KRI1: variants seen among roughly 807,000 people sequenced by gnomAD.
KRI1 encodes the protein protein KRI1 homolog.
Under a neutral mutation model 97.0 loss-of-function variants are expected in KRI1, and 83 were observed. That is an observed-to-expected ratio of 0.86 (90% CI 0.72 to 1.03). KRI1 has a LOEUF of 1.03. Among genes scored for constraint, KRI1 ranks in the 50% least tolerant of loss-of-function variants. The pLI is 0.00. For missense variants in KRI1, 916 were observed against 928.4 expected (o/e 0.99, Z 0.17); for synonymous variants, 371 against 363.5 (o/e 1.02, Z -0.23).
Position 10,566,005 on chromosome 19 carries a change from T to A in KRI1, c.-6A>T, listed in dbSNP as rs3218222. The A allele has an allele frequency of 2.6e-6, 4 of 1,512,360 alleles. No homozygotes were observed. Among genetic ancestry groups the A allele is most frequent in the Non-Finnish European group, 1.8e-6 (2 of 1,136,438 alleles). 93.7% of individuals were successfully genotyped at this position (1,512,360 alleles called of 1,614,324 possible). On this transcript the variant is annotated 5_prime_UTR_variant, in exon 1 of 19. Transcript: ENST00000312962. ...GACCCGCGCGGTTCCGGCATGGCGGTTCTGTGGCCCATTGCGCACGCGCAT... is the reference window on the plus strand; with the variant it reads ...GACCCGCGCGGTTCCGGCATGGCGGATCTGTGGCCCATTGCGCACGCGCAT...
rs570035535 is a variant in KRI1 at position 10,556,222 on chromosome 19, A to G, written c.1618-873T>C. ...CAAGTAGCTAGGACTAGATCTCCCT[A>G]TGTTGCTCAGGTTAGTCTCAGAACT... On this transcript the variant is annotated intron_variant, in intron 16 of 18. Coordinates refer to ENST00000312962, the MANE Select transcript of KRI1 (RefSeq NM_023008.5). Among the ~76,000 whole-genome samples the G allele has an allele frequency of 2.0e-5, 3 of 152,170 alleles. No homozygotes were observed. In the South Asian group the frequency reaches 6.2e-4, roughly 32 times the overall value.
chr19:10,555,236 C>CCCGCCCTGCCCGCAGCAAACCTGGCT (rs6146467), intron 17 of KRI1, 49 bp downstream of exon 17: 1 of 1,604,928 alleles, frequency 6.2e-7, no homozygotes, highest in Non-Finnish European at 8.5e-7. Context: ...CCCGAGGCTG[C>CCCGCCCTGCCCGCAGCAAACCTGGCT]CCGCCCTGCC....
In KRI1 at chr19:10,565,736, T is replaced by A. The variant is rs755712390; in HGVS notation, c.149A>T (p.Asp50Val). Residue 50 changes from aspartate (D) to valine (V), a missense_variant, in exon 2 of 19, where the codon GAC becomes GTC. Asp to Val is a radical substitution (Grantham distance 152). Transcript: ENST00000312962. The part of the protein sequence containing the change: ...DSSSDSSSES[D>V]SSDERVEFDP... ...GCGCACCACGCGCTCGTCGCTTGAG[T>A]CCGACTCGGAGCTGGAGTCGCTGCT... The A allele has an allele frequency of 5.4e-5, 85 of 1,576,964 alleles. No homozygotes were observed. Among genetic ancestry groups the A allele is most frequent in the Non-Finnish European group, 7.2e-5 (84 of 1,162,680 alleles).
In KRI1 at chr19:10,565,813, C is replaced by CCCA. The variant is rs1916853047; in HGVS notation, c.95-24_95-23insTGG. 1.9e-6 allele frequency: 3 copies of CCCA among 1,539,586 alleles called. No individual in the cohort carries two copies. The South Asian group carries it at 3.5e-5, about 18-fold the overall frequency. ...TCACTGCGGGACACAGACGGGATGC[C>CCCA]CCCCCCCAGGTCAGCCGGCGGGGCC... On this transcript the variant is annotated intron_variant, in intron 1 of 18. Transcript: ENST00000312962.
Position 10,565,079 on chromosome 19 carries a change from A to G in KRI1, c.169-45T>C, listed in dbSNP as rs199861506. 9.2e-5 allele frequency: 119 copies of G among 1,290,312 alleles called. No homozygotes were observed. In the African/African-American group the frequency reaches 1.4e-3, roughly 15 times the overall value. The allele number at this position is 1,290,312 out of a possible 1,614,324, so 79.9% of individuals were successfully genotyped here. A position where few individuals can be genotyped will look rare whatever the true frequency, so the allele number is the denominator to read the frequency against. Reference sequence around the variant, plus strand: ...GGGGATAGATTTCAGAAGGGAGATAATAAGAGCCCTGGCGCCAGCAGGTGA... The same window carrying G: ...GGGGATAGATTTCAGAAGGGAGATAGTAAGAGCCCTGGCGCCAGCAGGTGA... On this transcript the variant is annotated intron_variant, in intron 2 of 18. Transcript: ENST00000312962.
chr19:10,561,106 C>A (rs773348014), intron 7 of KRI1, 26 bp from the exon 8 acceptor site: 1 of 1,613,354 alleles, frequency 6.2e-7, no homozygotes, highest in East Asian at 2.2e-5. Context: ...CACTGAGCAT[C>A]CGCAGATGCC....
chr19:10,560,540 G>C, intron 8 of KRI1, 92 bp from the exon 9 acceptor site: 2 of 923,622 alleles, frequency 2.2e-6, no homozygotes, highest in Non-Finnish European at 3.3e-6. Flanking sequence ...CCAGCCTCTG[G>C]AGTAGGTGAC....
In KRI1 at chr19:10,553,819, A is replaced by C; in HGVS notation, c.*132T>G. ...TGATCCTTTCACCTCGGCCTCCCAA[A>C]GTGCTGGGATTACAGGCGTGCCTGG... On this transcript the variant is annotated 3_prime_UTR_variant, in exon 19 of 19. Coordinates refer to ENST00000312962, the MANE Select transcript of KRI1 (RefSeq NM_023008.5). The C allele has an allele frequency of 1.2e-6, 1 of 806,574 alleles. No individual in the cohort carries two copies. The highest frequency in any genetic ancestry group is 2.1e-5 in the South Asian group (1 of 46,818). The allele number at this position is 806,574 out of a possible 1,614,324, so 50.0% of individuals were successfully genotyped here.
rs1397171399 is a variant in KRI1, at chr19:10,562,710, A to G, written c.383+19T>C. 3 of 1,366,684 alleles carry G rather than the reference A, an allele frequency of 2.2e-6. No homozygotes were observed. The South Asian group carries it at 3.5e-5, about 16-fold the overall frequency. The allele number at this position is 1,366,684 out of a possible 1,614,324, so 84.7% of individuals were successfully genotyped here. A position where few individuals can be genotyped will look rare whatever the true frequency, so the allele number is the denominator to read the frequency against. On this transcript the variant is annotated intron_variant, in intron 4 of 18. Coordinates refer to ENST00000312962, the MANE Select transcript of KRI1 (RefSeq NM_023008.5). ...CAGGGCTGGGAACCAGGGGGTGGGG[A>G]TGTAGGCCTTCTCCATACCCTGCCT...
At position 10,561,652 on chromosome 19, in the gene KRI1, C is replaced by T; in HGVS notation, c.488+15G>A. The stretch of plus-strand genomic sequence containing the variant: ...ACTTTCCTCCATTGGGCCATTCCCG[C>T]CCACCCAGCCTCACCTTTCCTTGAG... On this transcript the variant is annotated intron_variant, in intron 6 of 18. Transcript: ENST00000312962. The T allele has an allele frequency of 1.2e-6, 2 of 1,613,786 alleles. No individual in the cohort carries two copies. The highest frequency in any genetic ancestry group is 2.2e-5 in the South Asian group (2 of 91,070).
chr19:10,560,060 CGCT>C, intron 9 of KRI1, 124 bp from the exon 10 acceptor site: 1 of 1,287,822 alleles, frequency 7.8e-7, no homozygotes, highest in South Asian at 1.4e-5. Context: ...ACAAGGTGCA[CGCT>C]GCTATTGTCC....
chr19:10,565,125 T>G, intron 2 of KRI1, 91 bp from the exon 3 acceptor site: 2 of 802,610 alleles, frequency 2.5e-6, no homozygotes, highest in African/African-American at 1.7e-5. Context: ...GGGATTAGGA[T>G]GGAGGGGGGT....
In KRI1 at chr19:10,565,976, C is replaced by T. The variant is rs1280912589; in HGVS notation, c.24G>A (p.Ser8=). ...CAAACGCCGCGTTCACCCGCAGCTG[C>T]GACGACCCGCGCGGTTCCGGCATGG... MPEPRGS[S]QLRVNAAFAA... Residue 8 remains serine (S), a synonymous_variant, in exon 1 of 19, where the codon TCG becomes TCA. Coordinates refer to ENST00000312962, the MANE Select transcript of KRI1 (RefSeq NM_023008.5). 6.6e-7 allele frequency: 1 copy of T among 1,524,436 alleles called. No individual in the cohort carries two copies. Among genetic ancestry groups the T allele is most frequent in the Non-Finnish European group, 8.8e-7 (1 of 1,140,296 alleles). 94.4% of individuals were successfully genotyped at this position (1,524,436 alleles called of 1,614,324 possible). A position where few individuals can be genotyped will look rare whatever the true frequency, so the allele number is the denominator to read the frequency against.
At chr19:10,554,384 A>G in intron 18 of KRI1, 103 bp from the exon 19 acceptor site, 1 of 1,030,014 alleles carries the variant, frequency 9.7e-7, no homozygotes, top group East Asian at 2.5e-5. Context: ...GGGCATAGTG[A>G]AGCAGCCGCA....
intron 2 of KRI1, 50 bp downstream of exon 2, chr19:10,565,667 A>G (rs3745246): frequency 1.1e-5 from 17 of 1,521,420 alleles, no homozygotes; most frequent in African/African-American, 7.2e-5. Flanking sequence ...CGGGGTGCAG[A>G]GGGGGGCTTG....
Position 10,553,303 on chromosome 19 carries a change from C to T in KRI1, c.*648G>A. ...TAGGGAAGGAGGACCCCGGGCACCC[C>T]CCTCAGGGCCTGACTCACGTACTGT... is the stretch of plus-strand genomic sequence containing the variant. On this transcript the variant is annotated 3_prime_UTR_variant, in exon 19 of 19. Coordinates refer to ENST00000312962, the MANE Select transcript of KRI1 (RefSeq NM_023008.5). 1.9e-6 allele frequency: 1 copy of T among 523,518 alleles called. No homozygotes were observed. The highest frequency in any genetic ancestry group is 3.3e-6 in the Non-Finnish European group (1 of 298,680). 32.4% of individuals were successfully genotyped at this position (523,518 alleles called of 1,614,324 possible). A position where few individuals can be genotyped will look rare whatever the true frequency, so the allele number is the denominator to read the frequency against.
rs1555750216 is a variant in KRI1 at position 10,565,816 on chromosome 19, C to CCCCA, written c.95-27_95-26insTGGG. The CCCCA allele has an allele frequency of 1.8e-4, 277 of 1,550,284 alleles. 1 individual carries two copies. The highest frequency in any genetic ancestry group is 2.3e-4 in the Non-Finnish European group (263 of 1,148,544). On this transcript the variant is annotated intron_variant, in intron 1 of 18. Transcript: ENST00000312962. ...CTGCGGGACACAGACGGGATGCCCC[C>CCCCA]CCCCAGGTCAGCCGGCGGGGCCACT...
intron 16 of KRI1, among the ~76,000 whole-genome samples, chr19:10,556,945 G>T (rs1255359917): frequency 3.9e-5 from 6 of 152,012 alleles, no homozygotes; most frequent in African/African-American, 1.4e-4. Flanking sequence ...TGGCACCACT[G>T]CACTCCAGCC....
Position 10,553,904 on chromosome 19 carries a change from C to A in KRI1, c.*47G>T, listed in dbSNP as rs1916401635. Reference sequence around the variant, plus strand: ...TTGTGGGTGCGAGACCTGTCCAGGGCTTGATTTGAGGAGAGGAGCCTGAGG... The same window carrying A: ...TTGTGGGTGCGAGACCTGTCCAGGGATTGATTTGAGGAGAGGAGCCTGAGG... On this transcript the variant is annotated 3_prime_UTR_variant, in exon 19 of 19. Transcript: ENST00000312962. 6.9e-7 allele frequency: 1 copy of A among 1,455,962 alleles called. No individual in the cohort carries two copies. The allele number at this position is 1,455,962 out of a possible 1,614,324, so 90.2% of individuals were successfully genotyped here.
Sources: allele counts gnomAD v4.1 joint callset (sites outside exome capture counted in the v4.1 genomes callset), GRCh38; gene constraint gnomAD v4.1.1; transcripts MANE v1.5; gene names NCBI Gene and HGNC (gene_info 2026-07-23, HGNC 2026-07-21).